The following ELL3 variants were observed in gnomAD, a reference collection of about 807,000 sequenced individuals.
ELL3 encodes RNA polymerase II elongation factor ELL3.
Under a neutral mutation model 58.5 loss-of-function variants are expected in ELL3, and 48 were observed. That is an observed-to-expected ratio of 0.82 (90% CI 0.65 to 1.04). The LOEUF (loss-of-function observed/expected upper bound fraction) is 1.04. Ranked by LOEUF, ELL3 falls within the 50% of genes least tolerant of loss-of-function variation. ELL3 has a pLI of 0.00. For missense variants in ELL3, 458 were observed against 478.4 expected (o/e 0.96, Z 0.40); for synonymous variants, 174 against 173.2 (o/e 1.00, Z -0.04).
chr15:43,773,168 G>C lies in ELL3; in HGVS notation c.1142C>G (p.Ser381Cys), dbSNP rs1439883204. ...RRCEYLHQKL[S>C]HIKGLILEFE... ...CTCCAGGATGAGACCTTTAATGTGG[G>C]ACAATTTCTGGTGAAGGTACTCACA... is the stretch of plus-strand genomic sequence containing the variant. Residue 381 changes from serine (S) to cysteine (C), a missense_variant, in exon 11 of 11, where the codon TCC becomes TGC. By Grantham distance (112) the Ser-to-Cys change is moderately radical (BLOSUM62 -1). Transcript: ENST00000319359. The C allele has an allele frequency of 6.2e-7, 1 of 1,613,832 alleles. No individual in the cohort carries two copies.
rs1176528755 is a variant in ELL3, at chr15:43,773,686, A to G, written c.1039-338T>C. Among the ~76,000 whole-genome samples, 3 of 149,222 alleles carry G rather than the reference A, an allele frequency of 2.0e-5. No individual in the cohort carries two copies. In the Admixed American group the frequency reaches 2.0e-4, roughly 10 times the overall value. ...GCACTCCAGCCTGGGCAACCAAGTG[A>G]GACTGTCTCAAAAAGAAAAAAAAAA... On this transcript the variant is annotated intron_variant, in intron 9 of 10. Coordinates refer to ENST00000319359, the MANE Select transcript of ELL3 (RefSeq NM_025165.3).
At chr15:43,776,290 C>T in intron 2 of ELL3, 139 bp from the exon 3 acceptor site, 1 of 1,081,786 alleles carries the variant, frequency 9.2e-7, no homozygotes, top group South Asian at 1.4e-5. Context: ...TGCAGCTGGG[C>T]CTGAGTTCCC....
At position 43,773,002 on chromosome 15, in the gene ELL3, A is replaced by G. The variant is rs1180856368; in HGVS notation, c.*114T>C. 2.0e-6 allele frequency: 2 copies of G among 1,013,546 alleles called. No homozygotes were observed. The highest frequency in any genetic ancestry group is 3.3e-5 in the South Asian group (2 of 61,058). 62.8% of individuals were successfully genotyped at this position (1,013,546 alleles called of 1,614,324 possible). On this transcript the variant is annotated 3_prime_UTR_variant, in exon 11 of 11. Transcript: ENST00000319359. ...CTAGAGCAGCTCTCTACTTGCCACC[A>G]TGGACTCCAGTGGTCAGCATAAGAA...
At position 43,774,647 on chromosome 15, in the gene ELL3, C is replaced by T; in HGVS notation, c.772G>A (p.Glu258Lys). Residue 258 changes from glutamate (E) to lysine (K), a missense_variant, in exon 7 of 11, where the codon GAA (glutamate) becomes AAA (lysine). Glu to Lys is a moderately conservative substitution (Grantham distance 56). Transcript: ENST00000319359. ...DLQEGEDWEQEDEDMDPRLEH... is the reference protein window; with the variant it reads ...DLQEGEDWEQKDEDMDPRLEH... ...AATCTGGGGTCCATGTCCTCATCTTCTTGCTCCCAATCTTCTCCCTCTTGT... is the reference window on the plus strand; with the variant it reads ...AATCTGGGGTCCATGTCCTCATCTTTTTGCTCCCAATCTTCTCCCTCTTGT... The T allele has an allele frequency of 6.2e-7, 1 of 1,614,210 alleles. No individual in the cohort carries two copies. Among genetic ancestry groups the T allele is most frequent in the Non-Finnish European group, 8.5e-7 (1 of 1,180,038 alleles).
chr15:43,773,244 C>A lies in ELL3; in HGVS notation c.1084-18G>T. 1.2e-6 allele frequency: 2 copies of A among 1,613,626 alleles called. No homozygotes were observed. Among genetic ancestry groups the A allele is most frequent in the East Asian group, 4.5e-5 (2 of 44,888 alleles). ...GGGTACTGCTGCAGAGAAAAAGCAT[C>A]CATGTCAAAAAGTAAAAATTCTCAT... On this transcript the variant is annotated intron_variant, in intron 10 of 10. Transcript: ENST00000319359.
At chr15:43,774,569 A>C in intron 7 of ELL3, 27 bp downstream of exon 7, 1 of 1,613,998 alleles carries the variant, frequency 6.2e-7, no homozygotes, top group South Asian at 1.1e-5. Flanking sequence ...TTCCACTGGC[A>C]TTTTTACCCT....
At chr15:43,776,307 G>T in intron 2 of ELL3, 156 bp from the exon 3 acceptor site, 1 of 1,087,834 alleles carries the variant, frequency 9.2e-7, no homozygotes, top group Non-Finnish European at 1.4e-6. Context: ...TCCCCAGGAG[G>T]CCGAAACAGC....
rs1301680077 is a variant in ELL3 at position 43,776,867 on chromosome 15, A to G, written c.35T>C (p.Leu12Pro). 9 of 1,611,882 alleles carry G rather than the reference A, an allele frequency of 5.6e-6. No homozygotes were observed. The highest frequency in any genetic ancestry group is 7.6e-6 in the Non-Finnish European group (9 of 1,179,728). The change falls in exon 1 of 11, where the codon CTC becomes CCC. Residue 12 changes from leucine (L) to proline (P), a missense_variant. Physicochemically the swap from Leu to Pro is moderately conservative, Grantham distance 98 (BLOSUM62 -3). Coordinates refer to ENST00000319359, the MANE Select transcript of ELL3 (RefSeq NM_025165.3). ...EELQEPLRGQ[L>P]RLCFTQAART... ...GGCAGCTTGCGTGAAGCAGAGCCGG[A>G]GCTGTCCTCTCAGAGGCTCCTGGAG...
At chr15:43,773,885 C>T (rs1028438604) in intron 9 of ELL3, among the ~76,000 whole-genome samples, 5 of 151,928 alleles carry the variant, frequency 3.3e-5, no homozygotes, top group African/African-American at 1.2e-4. Flanking sequence ...ACCTATAATC[C>T]CAGCTATTCG....
chr15:43,775,799 G>A lies in ELL3; in HGVS notation c.406C>T (p.His136Tyr), dbSNP rs766277984. Residue 136 changes from histidine (H) to tyrosine (Y), a missense_variant, in exon 4 of 11, where the codon CAT becomes TAT. By Grantham distance (83) the His-to-Tyr change is moderately conservative. Transcript: ENST00000319359. ...QGHNLTEDAR[H>Y]PESWQNTGGY... ...CCTGTGTTCTGCCAACTCTCAGGAT[G>A]TCTGGCATCTTCAGTCAGGTTGTGT... is the stretch of plus-strand genomic sequence containing the variant. 11 of 1,614,098 alleles carry A rather than the reference G, an allele frequency of 6.8e-6. No individual in the cohort carries two copies. Among genetic ancestry groups the A allele is most frequent in the Admixed American group, 1.7e-5 (1 of 60,000 alleles).
At position 43,774,360 on chromosome 15, in the gene ELL3, G is replaced by A; in HGVS notation, c.867-7C>T. ...GTGGATGGCCCTGTATTGCCTGCCA[G>A]GAGCAGAGAGTTGTCACCTTCAATT... On this transcript the variant is annotated splice_polypyrimidine_tract_variant and splice_region_variant and intron_variant, in intron 8 of 10. Transcript: ENST00000319359. The A allele has an allele frequency of 3.1e-6, 5 of 1,614,040 alleles. No homozygotes were observed. Among genetic ancestry groups the A allele is most frequent in the East Asian group, 2.2e-5 (1 of 44,876 alleles).
chr15:43,774,546 G>T, intron 7 of ELL3, 28 bp from the exon 8 acceptor site: 7 of 1,614,140 alleles, frequency 4.3e-6, no homozygotes, highest in Non-Finnish European at 5.9e-6. Context: ...AAACACAAGT[G>T]ATTATAAGTC....
chr15:43,775,027 C>T (rs539660802), intron 6 of ELL3, among the ~76,000 whole-genome samples: 5 of 151,608 alleles, frequency 3.3e-5, no homozygotes, highest in East Asian at 3.9e-4. Context: ...GAGGGAGAAT[C>T]GAGCCTAGGA....
rs1284014233 is a variant in ELL3 at position 43,775,727 on chromosome 15, C to G, written c.478G>C (p.Glu160Gln). 6.2e-7 allele frequency: 1 copy of G among 1,614,064 alleles called. No individual in the cohort carries two copies. The highest frequency in any genetic ancestry group is 8.5e-7 in the Non-Finnish European group (1 of 1,180,038). ...DAVSQPQMAL[E>Q]EVSVSDPLAS... Reference sequence around the variant, plus strand: ...CAATTTCTGGCCTCACCCACCTCCTCTAGTGCCATCTGTGGCTGTGATACT... The same window carrying G: ...CAATTTCTGGCCTCACCCACCTCCTGTAGTGCCATCTGTGGCTGTGATACT... Residue 160 changes from glutamate (E) to glutamine (Q), a missense_variant, in exon 4 of 11, where the codon GAG becomes CAG. Transcript: ENST00000319359.
chr15:43,775,722 C>A lies in ELL3; in HGVS notation c.483G>T (p.Glu161Asp). The A allele has an allele frequency of 1.2e-6, 2 of 1,614,126 alleles. No homozygotes were observed. The highest frequency in any genetic ancestry group is 1.7e-6 in the Non-Finnish European group (2 of 1,180,016). ...CCCTGCAATTTCTGGCCTCACCCACCTCCTCTAGTGCCATCTGTGGCTGTG... is the reference window on the plus strand; with the variant it reads ...CCCTGCAATTTCTGGCCTCACCCACATCCTCTAGTGCCATCTGTGGCTGTG... ...AVSQPQMALE[E>D]VSVSDPLASN... The change falls in exon 4 of 11, where the codon GAG becomes GAT. Residue 161 changes from glutamate to aspartate, a missense_variant and splice_region_variant. Physicochemically the swap from Glu to Asp is conservative, Grantham distance 45 (BLOSUM62 2). Transcript: ENST00000319359.
Position 43,776,030 on chromosome 15 carries a change from C to T in ELL3, c.281+9G>A, listed in dbSNP as rs111431125. ...AACCCTTTCTTGCCGGCTACCTGTT[C>T]CCCCTCACCTGAGGAAGCGTTGGCA... On this transcript the variant is annotated intron_variant, in intron 3 of 10. Coordinates refer to ENST00000319359, the MANE Select transcript of ELL3 (RefSeq NM_025165.3). The T allele has an allele frequency of 2.7e-4, 437 of 1,613,788 alleles. 1 individual carries two copies. In the African/African-American group the frequency reaches 5.2e-3, roughly 19 times the overall value.
Position 43,775,833 on chromosome 15 carries a change from T to G in ELL3, c.372A>C (p.Ser124=). 6.2e-7 allele frequency: 1 copy of G among 1,614,162 alleles called. No homozygotes were observed. Among genetic ancestry groups the G allele is most frequent in the Non-Finnish European group, 8.5e-7 (1 of 1,180,036 alleles). The change falls in exon 4 of 11, where the codon TCA becomes TCC. Residue 124 remains serine, a synonymous_variant. Transcript: ENST00000319359. The stretch of plus-strand genomic sequence containing the variant: ...CTTCAGTCAGGTTGTGTCCCTGAAC[T>G]GATGATGGGGCTGGGATAGAATCCA... ...AAMDSIPAPS[S]VQGHNLTEDA...
At chr15:43,775,251 C>A in intron 6 of ELL3, 55 bp downstream of exon 6, 2 of 1,494,814 alleles carry the variant, frequency 1.3e-6, no homozygotes, top group South Asian at 1.2e-5. Flanking sequence ...TAGTCTTTGC[C>A]ACTGTTTAAT....
chr15:43,773,735 C>T (rs553580292), intron 9 of ELL3, among the ~76,000 whole-genome samples: 1 of 151,904 alleles, frequency 6.6e-6, no homozygotes, highest in South Asian at 2.1e-4. Flanking sequence ...GGCGCAGTGG[C>T]TCACACCTGT....
Sources: gnomAD v4.1 joint callset for allele counts (sites outside exome capture counted in the v4.1 genomes callset) on GRCh38, gnomAD v4.1.1 for gene constraint, MANE v1.5 for transcripts, NCBI Gene and HGNC (gene_info 2026-07-23, HGNC 2026-07-21) for gene names.